AGBL4: variants seen among roughly 807,000 people sequenced by gnomAD.
AGBL4 encodes cytosolic carboxypeptidase 6.
Under a neutral mutation model 66.4 loss-of-function variants are expected in AGBL4, and 58 were observed. That is an observed-to-expected ratio of 0.87 (90% confidence interval 0.71 to 1.09). AGBL4 has a LOEUF of 1.09. Among genes scored for constraint, AGBL4 ranks in the 50% least tolerant of loss-of-function variants. The probability of loss-of-function intolerance (pLI) is 0.00; values close to 1 mark genes in which losing one functional copy is unlikely to be tolerated. For missense variants in AGBL4, 579 were observed against 631.0 expected (o/e 0.92, Z 0.88); for synonymous variants, 234 against 222.9 (o/e 1.05, Z -0.44).
chr1:49,563,693 T>C lies in AGBL4; in HGVS notation c.282+133620A>G, dbSNP rs571274063. Among the ~76,000 whole-genome samples, 88 of 152,218 alleles carry C rather than the reference T, an allele frequency of 5.8e-4. 2 individuals are homozygous for C. The South Asian group carries it at 1.0e-2, about 17-fold the overall frequency. On this transcript the variant is annotated intron_variant, in intron 3 of 13. Coordinates refer to ENST00000371839, the MANE Select transcript of AGBL4 (RefSeq NM_032785.4). ...CATGGTGGATAAGCTTTTTGATGTG[T>C]TGCTGGATTTGGTTTGCCAGTATTT...
intron 1 of AGBL4, among the ~76,000 whole-genome samples, chr1:49,979,658 C>T (rs4582846): frequency 0.32 from 48,142 of 151,972 alleles, 8,402 homozygotes; most frequent in East Asian, 0.73. Flanking sequence ...CAAATATCTG[C>T]TTAAAACACT....
chr1:49,901,230 T>C (rs77616155), intron 1 of AGBL4, among the ~76,000 whole-genome samples: 6 of 152,088 alleles, frequency 3.9e-5, no homozygotes, highest in Non-Finnish European at 5.9e-5. Flanking sequence ...GTCATCCAAA[T>C]AGGAAGAGAG....
At chr1:50,011,842 G>T (rs1416664201) in intron 1 of AGBL4, among the ~76,000 whole-genome samples, 2 of 152,160 alleles carry the variant, frequency 1.3e-5, no homozygotes, top group Non-Finnish European at 2.9e-5. Context: ...CAAAATAATT[G>T]AACTCATGGA....
chr1:48,531,784 T>G (rs1020596236), downstream of AGBL4, among the ~76,000 whole-genome samples: 6 of 151,584 alleles, frequency 4.0e-5, no homozygotes, highest in African/African-American at 9.7e-5. Context: ...ATGTATGTAT[T>G]TATTTATTTC....
chr1:48,608,527 C>T (rs530529136), intron 9 of AGBL4, among the ~76,000 whole-genome samples: 1 of 151,654 alleles, frequency 6.6e-6, no homozygotes, highest in Admixed American at 6.6e-5. Context: ...ACAAGAACAG[C>T]TAATGAGTCA....
At chr1:49,238,597 T>C (rs915308878) in intron 4 of AGBL4, among the ~76,000 whole-genome samples, 12 of 152,140 alleles carry the variant, frequency 7.9e-5, no homozygotes, top group South Asian at 2.1e-4. Flanking sequence ...ACACCACCTA[T>C]TGGGGAGTGG....
intron 6 of AGBL4, among the ~76,000 whole-genome samples, chr1:48,700,157 C>A (rs1273970127): frequency 1.3e-5 from 2 of 152,170 alleles, no homozygotes; most frequent in African/African-American, 2.4e-5. Flanking sequence ...CAGATAATTT[C>A]ACACACAATA....
chr1:48,674,035 G>GTAC (rs1375897140), intron 6 of AGBL4, among the ~76,000 whole-genome samples: 2 of 152,030 alleles, frequency 1.3e-5, no homozygotes, highest in African/African-American at 4.8e-5. Flanking sequence ...AACCCAGGCG[G>GTAC]TACTCCCTAG....
intron 2 of AGBL4, among the ~76,000 whole-genome samples, chr1:49,797,834 G>A (rs995998814): frequency 6.6e-6 from 1 of 151,542 alleles, no homozygotes; most frequent in Non-Finnish European, 1.5e-5. Context: ...GCAATGGCGC[G>A]GTCACTGTAA....
At chr1:49,423,109 G>A (rs928190531) in intron 3 of AGBL4, 1 of 152,176 alleles carries the variant, frequency 6.6e-6, no homozygotes, top group African/African-American at 2.4e-5. Context: ...CTGTGGAGCT[G>A]AGTTACCCTA....
chr1:49,536,352 T>G (rs779951622), intron 3 of AGBL4, among the ~76,000 whole-genome samples: 2 of 152,170 alleles, frequency 1.3e-5, no homozygotes, highest in African/African-American at 4.8e-5. Flanking sequence ...GCAGAAATTT[T>G]TATCTGTGTG....
At chr1:48,992,001 T>G (rs529662450) in intron 5 of AGBL4, among the ~76,000 whole-genome samples, 2 of 152,302 alleles carry the variant, frequency 1.3e-5, no homozygotes, top group African/African-American at 4.8e-5. Flanking sequence ...CTTATTTGGT[T>G]CATTTGGTGA....
chr1:48,744,996 A>AG (rs5774019), intron 6 of AGBL4, among the ~76,000 whole-genome samples: 102 of 152,120 alleles, frequency 6.7e-4, no homozygotes, highest in African/African-American at 2.2e-3. Context: ...ACTCCCAGGT[A>AG]GGGGGGGTCT....
intron 3 of AGBL4, among the ~76,000 whole-genome samples, chr1:49,624,779 G>A (rs148674889): frequency 7.4e-4 from 112 of 152,260 alleles, no homozygotes; most frequent in African/African-American, 2.5e-3. Context: ...AGGGACACAC[G>A]TCTAGAAATA....
intron 1 of AGBL4, among the ~76,000 whole-genome samples, chr1:49,896,656 A>G (rs987739001): frequency 1.4e-5 from 2 of 140,636 alleles, no homozygotes; most frequent in Non-Finnish European, 3.1e-5. Flanking sequence ...CACACACACA[A>G]CTAAATGCTA....
In AGBL4 at chr1:49,625,814, C is replaced by T. The variant is rs569312420; in HGVS notation, c.282+71499G>A. Among the ~76,000 whole-genome samples the T allele has an allele frequency of 3.3e-5, 5 of 152,222 alleles. No individual in the cohort carries two copies. The East Asian group carries it at 7.7e-4, about 23-fold the overall frequency. ...CCAATAACACCCTACCACTAAAGTG[C>T]CTGCTTGGCAGGGGTAATATACAAT... is the stretch of plus-strand genomic sequence containing the variant. On this transcript the variant is annotated intron_variant, in intron 3 of 13. Transcript: ENST00000371839.
At chr1:49,960,442 G>A (rs1657024886) in intron 1 of AGBL4, among the ~76,000 whole-genome samples, 1 of 151,986 alleles carries the variant, frequency 6.6e-6, no homozygotes, top group Admixed American at 6.6e-5. Context: ...AGAGATGGGA[G>A]AGATTTCATA....
rs71572687 is a variant in AGBL4 at position 49,800,368 on chromosome 1, C to CTT, written c.157+51026_157+51027dup. ...TATTTATTATTTTTTTTCTCATTTTCTTTTTTTTTATTATACTTTAAGTTT... is the reference window on the plus strand; with the variant it reads ...TATTTATTATTTTTTTTCTCATTTTCTTTTTTTTTTTATTATACTTTAAGTTT... On this transcript the variant is annotated intron_variant, in intron 2 of 13. Coordinates refer to ENST00000371839, the MANE Select transcript of AGBL4 (RefSeq NM_032785.4). Among the ~76,000 whole-genome samples the CTT allele has an allele frequency of 6.4e-4, 94 of 147,430 alleles. 1 individual carries two copies. Among genetic ancestry groups the CTT allele is most frequent in the African/African-American group, 1.0e-3 (40 of 39,904 alleles).
At chr1:49,744,640 T>C (rs1021026933) in intron 2 of AGBL4, among the ~76,000 whole-genome samples, 1 of 152,058 alleles carries the variant, frequency 6.6e-6, no homozygotes, top group African/African-American at 2.4e-5. Flanking sequence ...AAAAGAATGA[T>C]ATAATATGAA....
Sources: allele counts gnomAD v4.1 joint callset (sites outside exome capture counted in the v4.1 genomes callset), GRCh38; gene constraint gnomAD v4.1.1; transcripts MANE v1.5; gene names NCBI Gene and HGNC (gene_info 2026-07-23, HGNC 2026-07-21).